Variants in SPAG16 observed in about 807,000 individuals in gnomAD.
The protein encoded by SPAG16 is sperm associated antigen 16.
A neutral mutation model predicts 80.4 loss-of-function variants in SPAG16; 86 were observed. The ratio of observed to expected loss-of-function variants is 1.07; its 90% CI spans 0.90 to 1.28. The LOEUF (loss-of-function observed/expected upper bound fraction) is 1.28. SPAG16 is among the 50% of genes most tolerant of loss of function. The pLI is 0.00. For synonymous variants in SPAG16, 294 were observed against 265.9 expected, an observed-to-expected ratio of 1.11 and a Z score of -1.03; for missense variants, 870 against 765.3, an observed-to-expected ratio of 1.14 and a Z score of -1.61.
intron 9 of SPAG16, among the ~76,000 whole-genome samples, chr2:213,412,630 T>G (rs567355869): frequency 8.0e-4 from 120 of 149,270 alleles, no homozygotes; most frequent in African/African-American, 2.7e-3. Flanking sequence ...GTTTATTTTT[T>G]TTTGTTTGTT....
chr2:213,545,407 C>T (rs1293374503), intron 10 of SPAG16, among the ~76,000 whole-genome samples: 1 of 152,040 alleles, frequency 6.6e-6, no homozygotes, highest in Non-Finnish European at 1.5e-5. Context: ...TTCTCCCAGT[C>T]TGTGGCTTCT....
chr2:214,188,765 A>C (rs763566141), intron 15 of SPAG16, among the ~76,000 whole-genome samples: 5 of 152,066 alleles, frequency 3.3e-5, no homozygotes, highest in Non-Finnish European at 5.9e-5. Context: ...AAATTTGAAA[A>C]TCTCTGTTAC....
chr2:214,351,144 C>G (rs552263906), intron 15 of SPAG16, among the ~76,000 whole-genome samples: 20 of 151,916 alleles, frequency 1.3e-4, no homozygotes, highest in Non-Finnish European at 2.5e-4. Flanking sequence ...GACTAGAAAA[C>G]CTATGGGGTT....
At chr2:213,906,565 T>C (rs2077443946) in intron 11 of SPAG16, among the ~76,000 whole-genome samples, 1 of 152,146 alleles carries the variant, frequency 6.6e-6, no homozygotes, top group Non-Finnish European at 1.5e-5. Context: ...AAAATAATTC[T>C]GACCAAAAAG....
intron 12 of SPAG16, among the ~76,000 whole-genome samples, chr2:213,979,214 T>G (rs2045569632): frequency 2.0e-5 from 3 of 151,842 alleles, no homozygotes; most frequent in African/African-American, 7.3e-5. Flanking sequence ...CACTACAACT[T>G]CTGGCCTCCA....
At chr2:213,614,111 C>T (rs545321230) in intron 10 of SPAG16, among the ~76,000 whole-genome samples, 2 of 152,280 alleles carry the variant, frequency 1.3e-5, no homozygotes, top group East Asian at 3.9e-4. Context: ...ACAACTTACT[C>T]ATTGAAACAT....
intron 10 of SPAG16, among the ~76,000 whole-genome samples, chr2:213,755,985 T>A (rs944368238): frequency 5.3e-5 from 8 of 152,098 alleles, no homozygotes; most frequent in African/African-American, 1.9e-4. Flanking sequence ...AAAATCCCTA[T>A]CTAATGAAAT....
chr2:213,962,526 T>C (rs1473791839), intron 12 of SPAG16, among the ~76,000 whole-genome samples: 1 of 152,122 alleles, frequency 6.6e-6, no homozygotes, highest in Non-Finnish European at 1.5e-5. Flanking sequence ...GGCAAGGGTA[T>C]GTGTGTATAC....
chr2:214,177,950 AT>A (rs2057164254), intron 15 of SPAG16, among the ~76,000 whole-genome samples: 1 of 113,218 alleles, frequency 8.8e-6, no homozygotes, highest in African/African-American at 3.5e-5. Flanking sequence ...GAATTGTTAT[AT>A]CTAACTTCAC....
At chr2:213,503,768 T>C in intron 10 of SPAG16, among the ~76,000 whole-genome samples, 1 of 151,698 alleles carries the variant, frequency 6.6e-6, no homozygotes, top group Admixed American at 6.6e-5. Context: ...AATACAGAGG[T>C]TTAAGAGTTT....
At chr2:213,790,565 T>G in intron 10 of SPAG16, among the ~76,000 whole-genome samples, 1 of 151,964 alleles carries the variant, frequency 6.6e-6, no homozygotes, top group East Asian at 1.9e-4. Flanking sequence ...AATATTAATA[T>G]TAGTCTTCTA....
Position 214,262,068 on chromosome 2 carries a change from A to G in SPAG16, c.1720+112802A>G, listed in dbSNP as rs116828719. On this transcript the variant is annotated intron_variant, in intron 15 of 15. Coordinates refer to ENST00000331683, the MANE Select transcript of SPAG16 (RefSeq NM_024532.5). ...AATATTAGACATTTACATTAGATATATAATTAGACTATCTATCTGATATTC... is the reference window on the plus strand; with the variant it reads ...AATATTAGACATTTACATTAGATATGTAATTAGACTATCTATCTGATATTC... 5.2e-3 allele frequency among the ~76,000 whole-genome samples: 799 copies of G among 152,232 alleles called. 6 individuals carry two copies. Among genetic ancestry groups the G allele is most frequent in the African/African-American group, 0.018 (757 of 41,572 alleles).
chr2:214,075,987 A>C (rs1168795826), intron 13 of SPAG16, among the ~76,000 whole-genome samples: 1 of 152,156 alleles, frequency 6.6e-6, no homozygotes, highest in Non-Finnish European at 1.5e-5. Context: ...TGGAATCAAA[A>C]ACTTATTAAG....
chr2:213,633,207 G>A (rs570871797), intron 10 of SPAG16, among the ~76,000 whole-genome samples: 70 of 152,196 alleles, frequency 4.6e-4, no homozygotes, highest in African/African-American at 1.6e-3. Flanking sequence ...TAGGTTGTAC[G>A]TATTTAGGAA....
intron 9 of SPAG16, among the ~76,000 whole-genome samples, chr2:213,472,046 C>T (rs2073108099): frequency 6.6e-6 from 1 of 152,198 alleles, no homozygotes. Flanking sequence ...CTACTTCTTG[C>T]TCACTGGATT....
At chr2:213,931,889 CAAAT>C (rs2078764966) in intron 12 of SPAG16, among the ~76,000 whole-genome samples, 3 of 151,814 alleles carry the variant, frequency 2.0e-5, no homozygotes, top group African/African-American at 7.3e-5. Context: ...TAAGTATTGA[CAAAT>C]AAAGTAGAAA....
intron 13 of SPAG16, among the ~76,000 whole-genome samples, chr2:214,041,687 C>T (rs2049015929): frequency 6.6e-6 from 1 of 151,504 alleles, no homozygotes; most frequent in Non-Finnish European, 1.5e-5. Context: ...TTTTGATTCT[C>T]TTCTTGAAGA....
intron 12 of SPAG16, among the ~76,000 whole-genome samples, chr2:213,956,281 C>A (rs2044131377): frequency 6.6e-6 from 1 of 151,630 alleles, no homozygotes. Context: ...AATTGTTTTT[C>A]TATTCTCTTT....
At chr2:214,190,477 G>T (rs185386933) in intron 15 of SPAG16, among the ~76,000 whole-genome samples, 1 of 152,102 alleles carries the variant, frequency 6.6e-6, no homozygotes, top group East Asian at 1.9e-4. Flanking sequence ...TGGCTACAAA[G>T]ACTATTATAT....
Sources: allele counts gnomAD v4.1 joint callset (sites outside exome capture counted in the v4.1 genomes callset), GRCh38; gene constraint gnomAD v4.1.1; transcripts MANE v1.5; gene names NCBI Gene and HGNC (gene_info 2026-07-23, HGNC 2026-07-21).